UTP3: variants seen among roughly 807,000 people sequenced by gnomAD.
UTP3 encodes the protein UTP3 small subunit processome component.
Under a neutral mutation model 37.9 loss-of-function variants are expected in UTP3, and 19 were observed. The ratio of observed to expected loss-of-function variants is 0.50; its 90% CI spans 0.35 to 0.74. The LOEUF is 0.74. Among genes scored for constraint, UTP3 ranks in the 30% least tolerant of loss-of-function variants. The pLI is 0.01. For synonymous variants in UTP3, 242 were observed against 218.5 expected, an observed-to-expected ratio of 1.11 and a Z score of -0.95; for missense variants, 504 against 570.7, an observed-to-expected ratio of 0.88 and a Z score of 1.19.
chr4:70,689,004 T>C lies in UTP3; in HGVS notation c.327T>C (p.Asp109=). ...GEEEEEENAD[D]DGGSSVQSEA... is the part of the protein sequence containing the mutation. ...AGGAGGAGGAGGAGAATGCCGATGA[T>C]GATGGTGGGAGCTCCGTGCAAAGTG... Residue 109 remains aspartate (D), a synonymous_variant, in exon 1 of 1, where the codon GAT becomes GAC. Coordinates refer to ENST00000254803, the MANE Select transcript of UTP3 (RefSeq NM_020368.3). 1 of 1,590,092 alleles carries C rather than the reference T, an allele frequency of 6.3e-7. No individual in the cohort carries two copies. The highest frequency in any genetic ancestry group is 1.4e-5 in the African/African-American group (1 of 73,896).
rs190818739 is a variant in UTP3, at chr4:70,689,336, G to A, written c.659G>A (p.Arg220Gln). 4.6e-4 allele frequency: 737 copies of A among 1,614,154 alleles called. 1 individual carries two copies. Among genetic ancestry groups the A allele is most frequent in the Non-Finnish European group, 5.9e-4 (692 of 1,180,030 alleles). The change falls in exon 1 of 1, where the codon CGA becomes CAA. Residue 220 changes from arginine to glutamine, a missense_variant. Coordinates refer to ENST00000254803, the MANE Select transcript of UTP3 (RefSeq NM_020368.3). ...GTGAAAGAGAAGCTGAAAATGTTGC[G>A]AAAGGAATCACCAGAACTCTTGGAG... ...VSVKEKLKML[R>Q]KESPELLELI...
chr4:70,689,982 A>G lies in UTP3; in HGVS notation c.1305A>G (p.Lys435=), dbSNP rs150767394. ...RKKIDRNPRV[K]HREKFRRAKI... is the part of the protein sequence containing the mutation. Reference sequence around the variant, plus strand: ...AGATTGATCGCAATCCCAGAGTGAAACACAGAGAGAAGTTCAGAAGAGCCA... The same window carrying G: ...AGATTGATCGCAATCCCAGAGTGAAGCACAGAGAGAAGTTCAGAAGAGCCA... The change falls in exon 1 of 1, where the codon AAA becomes AAG. Residue 435 remains lysine (K), a synonymous_variant. Coordinates refer to ENST00000254803, the MANE Select transcript of UTP3 (RefSeq NM_020368.3). 1.9e-4 allele frequency: 302 copies of G among 1,614,058 alleles called. No individual in the cohort carries two copies. Among genetic ancestry groups the G allele is most frequent in the Admixed American group, 3.7e-4 (22 of 59,996 alleles).
Position 70,688,948 on chromosome 4 carries a change from G to A in UTP3, c.271G>A (p.Asp91Asn). The change falls in exon 1 of 1, where the codon GAC becomes AAC. Residue 91 changes from aspartate to asparagine, a missense_variant. Asp to Asn is a conservative substitution (Grantham distance 23, BLOSUM62 1). Transcript: ENST00000254803. Reference sequence around the variant, plus strand: ...GCTAGCCCTAGATATGGACGATGAGGACGACGAAGATGGAGGGAATGCGGG... The same window carrying A: ...GCTAGCCCTAGATATGGACGATGAGAACGACGAAGATGGAGGGAATGCGGG... Reference protein sequence around the residue: ...EVLALDMDDEDDEDGGNAGEE... With the variant: ...EVLALDMDDENDEDGGNAGEE... 1.2e-6 allele frequency: 2 copies of A among 1,609,072 alleles called. No individual in the cohort carries two copies. Among genetic ancestry groups the A allele is most frequent in the Non-Finnish European group, 1.7e-6 (2 of 1,176,782 alleles).
At position 70,690,461 on chromosome 4, in the gene UTP3, G is replaced by A. The variant is rs1417654124; in HGVS notation, c.*344G>A. On this transcript the variant is annotated 3_prime_UTR_variant, in exon 1 of 1. Coordinates refer to ENST00000254803, the MANE Select transcript of UTP3 (RefSeq NM_020368.3). ...TGACAGTTATCTTATTTGTAAGGCA[G>A]CCTATAAAATAGTTCTGAAGTATTT... The A allele has an allele frequency of 5.6e-6, 1 of 177,658 alleles. No individual in the cohort carries two copies. The highest frequency in any genetic ancestry group is 2.4e-5 in the African/African-American group (1 of 41,750). 11.0% of individuals were successfully genotyped at this position (177,658 alleles called of 1,614,324 possible). A position where few individuals can be genotyped will look rare whatever the true frequency, so the allele number is the denominator to read the frequency against.
Position 70,689,925 on chromosome 4 carries a change from T to C in UTP3, c.1248T>C (p.Ala416=). 2 of 1,613,718 alleles carry C rather than the reference T, an allele frequency of 1.2e-6. No individual in the cohort carries two copies. Among genetic ancestry groups the C allele is most frequent in the Non-Finnish European group, 1.7e-6 (2 of 1,179,966 alleles). Residue 416 remains alanine, a synonymous_variant, in exon 1 of 1, where the codon GCT becomes GCC. Transcript: ENST00000254803. ...NAKRAITYQI[A]KNRGLTPRRK... is the part of the protein sequence containing the mutation. ...AGAGAGCTATTACCTATCAAATTGCTAAAAATAGGGGACTTACTCCTAGGA... is the reference window on the plus strand; with the variant it reads ...AGAGAGCTATTACCTATCAAATTGCCAAAAATAGGGGACTTACTCCTAGGA...
chr4:70,688,587 G>C lies in UTP3; in HGVS notation c.-91G>C. 14 of 1,357,590 alleles carry C rather than the reference G, an allele frequency of 1.0e-5. No homozygotes were observed. The South Asian group carries it at 1.3e-4, about 12-fold the overall frequency. 84.1% of individuals were successfully genotyped at this position (1,357,590 alleles called of 1,614,324 possible). On this transcript the variant is annotated 5_prime_UTR_variant, in exon 1 of 1. Coordinates refer to ENST00000254803, the MANE Select transcript of UTP3 (RefSeq NM_020368.3). ...TGGTAGGGGAGCGCGCTGCTGTTTAGAGCCACGAGTTACCGGAGCGCCTGA... is the reference window on the plus strand; with the variant it reads ...TGGTAGGGGAGCGCGCTGCTGTTTACAGCCACGAGTTACCGGAGCGCCTGA...
rs1320717261 is a variant in UTP3 at position 70,689,747 on chromosome 4, C to A, written c.1070C>A (p.Ala357Asp). ...KPKSVSKTSAAACAVTDLSDD... is the reference protein window; with the variant it reads ...KPKSVSKTSADACAVTDLSDD... The stretch of plus-strand genomic sequence containing the variant: ...AAGTCTGTTTCAAAGACTTCTGCTG[C>A]TGCCTGTGCTGTTACAGATCTTTCT... Residue 357 changes from alanine to aspartate, a missense_variant, in exon 1 of 1, where the codon GCT (alanine) becomes GAT (aspartate). By Grantham distance (126) the Ala-to-Asp change is moderately radical. Transcript: ENST00000254803. The A allele has an allele frequency of 6.2e-7, 1 of 1,614,040 alleles. No homozygotes were observed. The highest frequency in any genetic ancestry group is 8.5e-7 in the Non-Finnish European group (1 of 1,180,024).
In UTP3 at chr4:70,689,289, G is replaced by A; in HGVS notation, c.612G>A (p.Val204=). The A allele has an allele frequency of 6.2e-7, 1 of 1,614,230 alleles. No individual in the cohort carries two copies. Among genetic ancestry groups the A allele is most frequent in the Non-Finnish European group, 8.5e-7 (1 of 1,180,046 alleles). Residue 204 remains valine, a synonymous_variant, in exon 1 of 1, where the codon GTG becomes GTA. Transcript: ENST00000254803. Reference sequence around the variant, plus strand: ...TAGATGAGGCTGAGACACGGGTCGTGAAGGATTTGGCTAAAGTTTCAGTGA... The same window carrying A: ...TAGATGAGGCTGAGACACGGGTCGTAAAGGATTTGGCTAAAGTTTCAGTGA... ...PQVDEAETRV[V]KDLAKVSVKE...
Position 70,689,929 on chromosome 4 carries a change from A to T in UTP3, c.1252A>T (p.Asn418Tyr). Residue 418 changes from asparagine to tyrosine, a missense_variant, in exon 1 of 1, where the codon AAT (asparagine) becomes TAT (tyrosine). Physicochemically the swap from Asn to Tyr is moderately radical, Grantham distance 143. Coordinates refer to ENST00000254803, the MANE Select transcript of UTP3 (RefSeq NM_020368.3). ...KRAITYQIAK[N>Y]RGLTPRRKKI... ...AGCTATTACCTATCAAATTGCTAAA[A>T]ATAGGGGACTTACTCCTAGGAGAAA... The T allele has an allele frequency of 6.2e-7, 1 of 1,613,954 alleles. No homozygotes were observed. Among genetic ancestry groups the T allele is most frequent in the Non-Finnish European group, 8.5e-7 (1 of 1,180,004 alleles).
chr4:70,689,187 G>A lies in UTP3; in HGVS notation c.510G>A (p.Arg170=). The stretch of plus-strand genomic sequence containing the variant: ...AGGAGGAGGCACAGATCATTCAGCG[G>A]CGCCTAGCCCAAGCGCTGCAAGAGG... ...EEEEEAQIIQ[R]RLAQALQEDD... The change falls in exon 1 of 1, where the codon CGG becomes CGA. Residue 170 remains arginine, a synonymous_variant. Transcript: ENST00000254803. 1 of 1,614,150 alleles carries A rather than the reference G, an allele frequency of 6.2e-7. No homozygotes were observed. Among genetic ancestry groups the A allele is most frequent in the Non-Finnish European group, 8.5e-7 (1 of 1,180,000 alleles).
Position 70,690,060 on chromosome 4 carries a change from T to C in UTP3, c.1383T>C (p.Tyr461=), listed in dbSNP as rs1739588438. ...VREVRKEEQR[Y]SGELSGIRAG... Reference sequence around the variant, plus strand: ...AAGTTCGTAAAGAAGAGCAACGTTATAGTGGTGAATTATCTGGCATTCGTG... The same window carrying C: ...AAGTTCGTAAAGAAGAGCAACGTTACAGTGGTGAATTATCTGGCATTCGTG... Residue 461 remains tyrosine, a synonymous_variant, in exon 1 of 1, where the codon TAT becomes TAC. Coordinates refer to ENST00000254803, the MANE Select transcript of UTP3 (RefSeq NM_020368.3). 6.2e-7 allele frequency: 1 copy of C among 1,611,564 alleles called. No homozygotes were observed. The highest frequency in any genetic ancestry group is 8.5e-7 in the Non-Finnish European group (1 of 1,179,512).
In UTP3 at chr4:70,688,968, T is replaced by G. The variant is rs1189476024; in HGVS notation, c.291T>G (p.Asn97Lys). 2 of 1,601,994 alleles carry G rather than the reference T, an allele frequency of 1.2e-6. No individual in the cohort carries two copies. Among genetic ancestry groups the G allele is most frequent in the Admixed American group, 1.7e-5 (1 of 59,356 alleles). ...MDDEDDEDGG[N>K]AGEEEEEENA... ...ATGAGGACGACGAAGATGGAGGGAA[T>G]GCGGGGGAGGAGGAGGAGGAGGAGA... Residue 97 changes from asparagine (N) to lysine (K), a missense_variant, in exon 1 of 1, where the codon AAT becomes AAG. By Grantham distance (94) the Asn-to-Lys change is moderately conservative. Transcript: ENST00000254803.
rs755589325 is a variant in UTP3 at position 70,688,990 on chromosome 4, G to GAGA, written c.315_317dup (p.Glu105_Asn106insLys). The GAGA allele has an allele frequency of 2.5e-6, 4 of 1,594,070 alleles. No homozygotes were observed. Among genetic ancestry groups the GAGA allele is most frequent in the Non-Finnish European group, 2.6e-6 (3 of 1,168,844 alleles). ...GAATGCGGGGGAGGAGGAGGAGGAG[G>GAGA]AGAATGCCGATGATGATGGTGGGAG... On this transcript the variant is annotated inframe_insertion, in exon 1 of 1. Transcript: ENST00000254803.
Position 70,689,527 on chromosome 4 carries a change from A to G in UTP3, c.850A>G (p.Ile284Val). Residue 284 changes from isoleucine to valine, a missense_variant, in exon 1 of 1, where the codon ATC becomes GTC. By Grantham distance (29) the Ile-to-Val change is conservative (BLOSUM62 3). Transcript: ENST00000254803. ...NYCSNISFYL[I>V]LKARRVPAHG... ...TTGCTCGAACATCAGTTTTTATTTGATCCTGAAAGCTAGGAGAGTCCCAGC... is the reference window on the plus strand; with the variant it reads ...TTGCTCGAACATCAGTTTTTATTTGGTCCTGAAAGCTAGGAGAGTCCCAGC... 6.2e-7 allele frequency: 1 copy of G among 1,614,182 alleles called. No homozygotes were observed. The highest frequency in any genetic ancestry group is 2.2e-5 in the East Asian group (1 of 44,880).
Position 70,688,943 on chromosome 4 carries a change from A to G in UTP3, c.266A>G (p.Asp89Gly). Reference protein sequence around the residue: ...EEEVLALDMDDEDDEDGGNAG... With the variant: ...EEEVLALDMDGEDDEDGGNAG... The stretch of plus-strand genomic sequence containing the variant: ...GAGGTGCTAGCCCTAGATATGGACG[A>G]TGAGGACGACGAAGATGGAGGGAAT... The change falls in exon 1 of 1, where the codon GAT becomes GGT. Residue 89 changes from aspartate to glycine, a missense_variant. Coordinates refer to ENST00000254803, the MANE Select transcript of UTP3 (RefSeq NM_020368.3). 2 of 1,609,808 alleles carry G rather than the reference A, an allele frequency of 1.2e-6. No homozygotes were observed. Among genetic ancestry groups the G allele is most frequent in the East Asian group, 2.2e-5 (1 of 44,788 alleles).
Position 70,689,022 on chromosome 4 carries a change from G to A in UTP3, c.345G>A (p.Val115=), listed in dbSNP as rs1238442658. The A allele has an allele frequency of 6.3e-7, 1 of 1,587,766 alleles. No homozygotes were observed. The highest frequency in any genetic ancestry group is 8.6e-7 in the Non-Finnish European group (1 of 1,165,970). Residue 115 remains valine, a synonymous_variant, in exon 1 of 1, where the codon GTG becomes GTA. Coordinates refer to ENST00000254803, the MANE Select transcript of UTP3 (RefSeq NM_020368.3). ...CCGATGATGATGGTGGGAGCTCCGT[G>A]CAAAGTGAAGCTGAGGCCTCTGTGG... The part of the protein sequence containing the change: ...ENADDDGGSS[V]QSEAEASVDP...
Position 70,688,713 on chromosome 4 carries a change from G to A in UTP3, c.36G>A (p.Lys12=), listed in dbSNP as rs776610872. 1.2e-6 allele frequency: 2 copies of A among 1,614,002 alleles called. No homozygotes were observed. Among genetic ancestry groups the A allele is most frequent in the Middle Eastern group, 1.7e-4 (1 of 5,972 alleles). The part of the protein sequence containing the change: ...VGRSRRRGAA[K]WAAVRAKAGP... ...GATCCCGGCGGCGCGGAGCAGCTAAGTGGGCAGCTGTGCGAGCCAAGGCAG... is the reference window on the plus strand; with the variant it reads ...GATCCCGGCGGCGCGGAGCAGCTAAATGGGCAGCTGTGCGAGCCAAGGCAG... Residue 12 remains lysine, a synonymous_variant, in exon 1 of 1, where the codon AAG becomes AAA. Coordinates refer to ENST00000254803, the MANE Select transcript of UTP3 (RefSeq NM_020368.3).
In UTP3 at chr4:70,689,006, ATGG is replaced by A; in HGVS notation, c.333_335del (p.Gly112del). The A allele has an allele frequency of 6.3e-7, 1 of 1,590,520 alleles. No homozygotes were observed. ...GAGGAGGAGGAGAATGCCGATGATG[ATGG>A]TGGGAGCTCCGTGCAAAGTGAAGCT... On this transcript the variant is annotated inframe_deletion, in exon 1 of 1. Transcript: ENST00000254803.
Position 70,690,255 on chromosome 4 carries a change from C to T in UTP3, c.*138C>T, listed in dbSNP as rs927610989. On this transcript the variant is annotated 3_prime_UTR_variant, in exon 1 of 1. Transcript: ENST00000254803. ...AAGGAAATTTGTCTGGGTTATTGGA[C>T]AATTTATAAGAACTATGGGAGCAAT... 2.4e-5 allele frequency: 22 copies of T among 933,508 alleles called. No individual in the cohort carries two copies. The highest frequency in any genetic ancestry group is 1.2e-4 in the African/African-American group (7 of 58,642). 57.8% of individuals were successfully genotyped at this position (933,508 alleles called of 1,614,324 possible). A position where few individuals can be genotyped will look rare whatever the true frequency, so the allele number is the denominator to read the frequency against.
Sources: allele counts gnomAD v4.1 joint callset, GRCh38; gene constraint gnomAD v4.1.1; transcripts MANE v1.5; gene names NCBI Gene and HGNC (gene_info 2026-07-23, HGNC 2026-07-21).